The following HUWE1 variants were observed in gnomAD, a reference collection of about 807,000 sequenced individuals.
The protein encoded by HUWE1 is E3 ubiquitin-protein ligase HUWE1.
HUWE1 carries 18 observed loss-of-function variants against 299.4 expected under a neutral mutation model. The ratio of observed to expected loss-of-function variants is 0.06; its 90% confidence interval spans 0.04 to 0.09. The LOEUF (loss-of-function observed/expected upper bound fraction) is 0.09, where lower values mean the gene tolerates loss of function less well. Among genes scored for constraint, HUWE1 ranks in the 10% least tolerant of loss-of-function variants. The probability of loss-of-function intolerance (pLI) is 1.00; values close to 1 mark genes in which losing one functional copy is unlikely to be tolerated. For missense variants in HUWE1, 1,832 were observed against 3,462.3 expected (o/e 0.53, Z 11.82); for synonymous variants, 1,317 against 1,286.1 (o/e 1.02, Z -0.51).
At chrX:53,657,376 C>T (rs1256887994) in intron 3 of HUWE1, among the ~76,000 whole-genome samples, 2 of 111,520 alleles carry the variant, frequency 1.8e-5, no homozygotes, top group African/African-American at 6.5e-5. Flanking sequence ...GAGTTCAAGA[C>T]CAGCCTGGCC....
intron 61 of HUWE1, 73 bp from the exon 62 acceptor site, chrX:53,552,966 T>C: frequency 9.1e-7 from 1 of 1,102,342 alleles, no homozygotes; most frequent in Admixed American, 2.2e-5. Flanking sequence ...AGGTCTTTGA[T>C]AGGGCTGCTT....
chrX:53,563,485 C>T (rs1490820029), intron 52 of HUWE1, among the ~76,000 whole-genome samples: 2 of 111,325 alleles, frequency 1.8e-5, no homozygotes, highest in African/African-American at 6.5e-5. Context: ...AATAAACACT[C>T]TTTTGATGTG....
chrX:53,570,146 C>T (rs1003841179), intron 47 of HUWE1, among the ~76,000 whole-genome samples: 2 of 112,158 alleles, frequency 1.8e-5, no homozygotes, highest in Non-Finnish European at 3.8e-5. Flanking sequence ...TGAGGTCTTG[C>T]TATATTGCCC....
In HUWE1 at chrX:53,551,494, T is replaced by C. The variant is rs782134374; in HGVS notation, c.8882-14A>G. The C allele has an allele frequency of 2.6e-6, 3 of 1,165,376 alleles. No homozygotes were observed. Among genetic ancestry groups the C allele is most frequent in the Non-Finnish European group, 3.5e-6 (3 of 864,431 alleles). On this transcript the variant is annotated splice_polypyrimidine_tract_variant and intron_variant, in intron 63 of 83. Transcript: ENST00000262854. ...GGAGACTGATACCTGAAGGGAGATA[T>C]AACATGTAAAGGGATTCACGCCTTA...
At position 53,546,017 on chromosome X, in the gene HUWE1, CA is replaced by C. The variant is rs1339848368; in HGVS notation, c.10915+418del. ...GAATTTTTATACCCTCAAAATTACA[CA>C]AAAGCAGAGAGTACTATTCTGACTC... On this transcript the variant is annotated intron_variant, in intron 70 of 83. Transcript: ENST00000262854. 4.5e-5 allele frequency among the ~76,000 whole-genome samples: 5 copies of C among 111,303 alleles called. No homozygotes were observed. In the Admixed American group the frequency reaches 4.8e-4, roughly 11 times the overall value.
chrX:53,603,327 C>T, intron 27 of HUWE1, 41 bp downstream of exon 27: 1 of 1,192,980 alleles, frequency 8.4e-7, no homozygotes, highest in South Asian at 1.8e-5. Flanking sequence ...GCTCACCGAA[C>T]TTAGATAACA....
intron 4 of HUWE1, among the ~76,000 whole-genome samples, chrX:53,653,100 C>T (rs959525857): frequency 4.5e-5 from 5 of 111,669 alleles, no homozygotes; most frequent in African/African-American, 9.8e-5. Flanking sequence ...GAGCTGTGAT[C>T]GTGCCACTGC....
intron 33 of HUWE1, among the ~76,000 whole-genome samples, chrX:53,591,586 A>G (rs2064162604): frequency 8.9e-6 from 1 of 111,873 alleles, no homozygotes; most frequent in Non-Finnish European, 1.9e-5. Flanking sequence ...TTAAAACATC[A>G]AACTGTAAGA....
chrX:53,611,649 ATGAGGCCAGGAGTT>A (rs1557002337), intron 23 of HUWE1, among the ~76,000 whole-genome samples: 1 of 110,737 alleles, frequency 9.0e-6, no homozygotes, highest in African/African-American at 3.3e-5. Flanking sequence ...GGTGGATCAC[ATGAGGCCAGGAGTT>A]TGAGGCCAAC....
intron 36 of HUWE1, among the ~76,000 whole-genome samples, 163 bp from the exon 37 acceptor site, chrX:53,588,697 A>G (rs1556975789): frequency 1.8e-5 from 2 of 112,386 alleles, no homozygotes; most frequent in Non-Finnish European, 1.9e-5. Context: ...AATCTATATC[A>G]AAAGATGTAT....
At chrX:53,676,359 C>A (rs1401731386) in intron 3 of HUWE1, among the ~76,000 whole-genome samples, 1 of 111,327 alleles carries the variant, frequency 9.0e-6, no homozygotes, top group African/African-American at 3.3e-5. Flanking sequence ...GGCCCCAAAT[C>A]CGGAACTGCC....
intron 26 of HUWE1, among the ~76,000 whole-genome samples, chrX:53,603,902 CATTTT>C (rs2065021455): frequency 8.9e-6 from 1 of 111,959 alleles, no homozygotes; most frequent in Non-Finnish European, 1.9e-5. Flanking sequence ...GTTTCATTTT[CATTTT>C]ATTTCATTTA....
intron 28 of HUWE1, among the ~76,000 whole-genome samples, chrX:53,602,218 C>T (rs1052753524): frequency 1.8e-5 from 2 of 110,929 alleles, no homozygotes; most frequent in Admixed American, 9.6e-5. Context: ...ATAGTTAATT[C>T]GTGTACCTTT....
chrX:53,541,147 T>C (rs1303208016), intron 74 of HUWE1, among the ~76,000 whole-genome samples: 1 of 112,371 alleles, frequency 8.9e-6, no homozygotes, highest in Non-Finnish European at 1.9e-5. Context: ...AACAATAGCA[T>C]TCATCGTGTG....
Position 53,627,470 on chromosome X carries a change from G to A in HUWE1, c.1429C>T (p.Pro477Ser). 8.3e-7 allele frequency: 1 copy of A among 1,203,787 alleles called. No individual in the cohort carries two copies. Among genetic ancestry groups the A allele is most frequent in the Non-Finnish European group, 1.1e-6 (1 of 889,748 alleles). ...CRKECPFVIKPKIQRPNTTQE... is the reference protein window; with the variant it reads ...CRKECPFVIKSKIQRPNTTQE... ...GTAGTATTGGGTCTCTGGATCTTTG[G>A]CTTGATCACAAACGGACATTCTTTT... The change falls in exon 17 of 84, where the codon CCA becomes TCA. Residue 477 changes from proline to serine, a missense_variant. By Grantham distance (74) the Pro-to-Ser change is moderately conservative (BLOSUM62 -1). Transcript: ENST00000262854.
At chrX:53,663,539 G>A (rs1244328916) in intron 3 of HUWE1, among the ~76,000 whole-genome samples, 4 of 110,714 alleles carry the variant, frequency 3.6e-5, no homozygotes, top group African/African-American at 1.3e-4. Context: ...TATATAGGCT[G>A]TAAATGGAAG....
chrX:53,633,782 G>C (rs1557024548), intron 8 of HUWE1, among the ~76,000 whole-genome samples: 2 of 112,119 alleles, frequency 1.8e-5, no homozygotes, highest in African/African-American at 6.5e-5. Flanking sequence ...GAAAGGCAGA[G>C]AGATAAACAA....
intron 42 of HUWE1, among the ~76,000 whole-genome samples, chrX:53,581,823 C>A (rs191528661): frequency 4.1e-4 from 46 of 111,896 alleles, no homozygotes; most frequent in African/African-American, 1.4e-3. Flanking sequence ...CAGCCCCCAA[C>A]TGCTGGACAT....
At chrX:53,579,849 C>T (rs1343294023) in intron 43 of HUWE1, 3 of 98,975 alleles carry the variant, frequency 3.0e-5, no homozygotes, top group East Asian at 3.1e-4. Flanking sequence ...AAACCAGAGA[C>T]CTTTGTTCAC....
Sources: gnomAD v4.1 joint callset for allele counts (sites outside exome capture counted in the v4.1 genomes callset) on GRCh38, gnomAD v4.1.1 for gene constraint, MANE v1.5 for transcripts, NCBI Gene and HGNC (gene_info 2026-07-23, HGNC 2026-07-21) for gene names.